The following LHFPL3 variants were observed in gnomAD, a reference collection of about 807,000 sequenced individuals.
The protein encoded by LHFPL3 is LHFPL tetraspan subfamily member 3 protein.
In LHFPL3, 5 loss-of-function variants were observed where a neutral mutation model predicts 19.3. The observed-to-expected ratio is 0.26, with a 90% CI of 0.14 to 0.54. The LOEUF (loss-of-function observed/expected upper bound fraction) is 0.54. Ranked by LOEUF, LHFPL3 falls within the 20% of genes least tolerant of loss-of-function variation. The probability of loss-of-function intolerance (pLI) is 0.94; values close to 1 mark genes in which losing one functional copy is unlikely to be tolerated. For synonymous variants in LHFPL3, 133 were observed against 126.2 expected, an observed-to-expected ratio of 1.05 and a Z score of -0.36; for missense variants, 249 against 307.4, an observed-to-expected ratio of 0.81 and a Z score of 1.42.
At chr7:104,414,401 C>G (rs1315396517) in intron 1 of LHFPL3, among the ~76,000 whole-genome samples, 1 of 152,142 alleles carries the variant, frequency 6.6e-6, no homozygotes, top group Non-Finnish European at 1.5e-5. Flanking sequence ...AGAAGGACAA[C>G]ATCGTTAGGC....
chr7:104,569,866 A>G (rs1790195571), intron 1 of LHFPL3, among the ~76,000 whole-genome samples: 1 of 152,192 alleles, frequency 6.6e-6, no homozygotes, highest in Non-Finnish European at 1.5e-5. Context: ...TCTGTTTGAC[A>G]CCAGAGGCTA....
At chr7:104,763,588 G>C (rs181588153) in intron 2 of LHFPL3, among the ~76,000 whole-genome samples, 66 of 152,354 alleles carry the variant, frequency 4.3e-4, no homozygotes, top group African/African-American at 1.6e-3. Flanking sequence ...CAGTTGGTGA[G>C]AGTATGGGAG....
At chr7:104,687,467 G>A (rs1423917925) in intron 1 of LHFPL3, among the ~76,000 whole-genome samples, 1 of 152,212 alleles carries the variant, frequency 6.6e-6, no homozygotes, top group African/African-American at 2.4e-5. Context: ...TCTGGAGGTA[G>A]GGGGCTGGAG....
intron 2 of LHFPL3, among the ~76,000 whole-genome samples, chr7:104,794,869 C>A (rs929355152): frequency 2.0e-5 from 3 of 152,134 alleles, no homozygotes; most frequent in African/African-American, 7.2e-5. Context: ...CTGCAACCTC[C>A]TTTGGATAAG....
intron 1 of LHFPL3, among the ~76,000 whole-genome samples, chr7:104,477,241 T>C (rs1309237281): frequency 6.6e-6 from 1 of 152,160 alleles, no homozygotes; most frequent in Non-Finnish European, 1.5e-5. Flanking sequence ...TCCTTCTGCC[T>C]CAACCTCCTG....
intron 1 of LHFPL3, among the ~76,000 whole-genome samples, chr7:104,540,162 A>T (rs2115871833): frequency 6.6e-6 from 1 of 152,314 alleles, no homozygotes; most frequent in Admixed American, 6.5e-5. Flanking sequence ...ATTGTGCAAG[A>T]TACAGTGAAA....
At chr7:104,639,624 G>A (rs1791792092) in intron 1 of LHFPL3, among the ~76,000 whole-genome samples, 1 of 152,096 alleles carries the variant, frequency 6.6e-6, no homozygotes, top group Non-Finnish European at 1.5e-5. Context: ...TGTAAAATAA[G>A]TAGATAAAAT....
At chr7:104,836,273 A>ATGTC (rs1245428879) in intron 2 of LHFPL3, among the ~76,000 whole-genome samples, 2 of 152,184 alleles carry the variant, frequency 1.3e-5, no homozygotes, top group Admixed American at 1.3e-4. Context: ...TAGGCTGTAT[A>ATGTC]TGTCAGGGAA....
rs193027402 is a variant in LHFPL3 at position 104,734,782 on chromosome 7, A to T, written c.446-1893A>T. On this transcript the variant is annotated intron_variant, in intron 1 of 2. Transcript: ENST00000424859. ...GTGAGGAGCTGCGTTCCTTTGGAGG[A>T]GGAGAGGTGCTCTGATTTTTAGAAT... Among the ~76,000 whole-genome samples, 298 of 152,276 alleles carry T rather than the reference A, an allele frequency of 2.0e-3. 2 individuals carry two copies. The highest frequency in any genetic ancestry group is 6.8e-3 in the African/African-American group (281 of 41,554).
At chr7:104,447,546 A>C (rs1033318080) in intron 1 of LHFPL3, among the ~76,000 whole-genome samples, 4 of 152,090 alleles carry the variant, frequency 2.6e-5, no homozygotes, top group African/African-American at 9.7e-5. Context: ...ATATTACTTA[A>C]ATTTTCAAAT....
chr7:104,633,842 TA>T, intron 1 of LHFPL3, among the ~76,000 whole-genome samples: 1 of 152,220 alleles, frequency 6.6e-6, no homozygotes, highest in East Asian at 1.9e-4. Context: ...TAAGTTATAA[TA>T]TTTCAATATG....
At chr7:104,385,158 A>C (rs1459402843) in intron 1 of LHFPL3, among the ~76,000 whole-genome samples, 1 of 152,148 alleles carries the variant, frequency 6.6e-6, no homozygotes, top group Non-Finnish European at 1.5e-5. Flanking sequence ...AACAAAGCAG[A>C]AGTTAAGATC....
chr7:104,513,134 C>G (rs1793853295), intron 1 of LHFPL3, among the ~76,000 whole-genome samples: 1 of 152,134 alleles, frequency 6.6e-6, no homozygotes, highest in Non-Finnish European at 1.5e-5. Context: ...CCTTCATCCA[C>G]TTTTAATTTG....
intron 1 of LHFPL3, among the ~76,000 whole-genome samples, chr7:104,514,975 T>G (rs1446616592): frequency 6.6e-6 from 1 of 152,202 alleles, no homozygotes; most frequent in Admixed American, 6.5e-5. Flanking sequence ...CCATGATAAC[T>G]TGGGAACAAA....
At chr7:104,718,024 G>A (rs562791379) in intron 1 of LHFPL3, among the ~76,000 whole-genome samples, 2 of 152,118 alleles carry the variant, frequency 1.3e-5, no homozygotes, top group African/African-American at 2.4e-5. Context: ...GATAAATCTT[G>A]AGGACATTAT....
At chr7:104,763,890 C>G (rs755129967) in intron 2 of LHFPL3, among the ~76,000 whole-genome samples, 26 of 152,150 alleles carry the variant, frequency 1.7e-4, no homozygotes, top group Non-Finnish European at 2.9e-4. Flanking sequence ...CTTAAACTAG[C>G]TAAAGTAGAT....
intron 1 of LHFPL3, among the ~76,000 whole-genome samples, chr7:104,516,713 C>T (rs1793928304): frequency 6.6e-6 from 1 of 152,138 alleles, no homozygotes; most frequent in East Asian, 1.9e-4. Context: ...TAAATTAGTT[C>T]AACCATTATG....
chr7:104,529,996 T>C (rs1794265144), intron 1 of LHFPL3, among the ~76,000 whole-genome samples: 1 of 152,184 alleles, frequency 6.6e-6, no homozygotes. Context: ...GAGGATTGCT[T>C]CAACTGCTTT....
intron 2 of LHFPL3, among the ~76,000 whole-genome samples, chr7:104,902,178 G>C (rs913811057): frequency 6.6e-6 from 1 of 152,030 alleles, no homozygotes; most frequent in African/African-American, 2.4e-5. Context: ...CCGGGAGTTT[G>C]AAACCAGCCT....
Sources: gnomAD v4.1 joint callset for allele counts (sites outside exome capture counted in the v4.1 genomes callset) on GRCh38, gnomAD v4.1.1 for gene constraint, MANE v1.5 for transcripts, NCBI Gene and HGNC (gene_info 2026-07-23, HGNC 2026-07-21) for gene names.